The following ERICH6 variants were observed in gnomAD, a reference collection of about 807,000 sequenced individuals.
ERICH6 encodes glutamate rich 6, also known as glutamate-rich protein 6.
In ERICH6, 71 loss-of-function variants were observed where a neutral mutation model predicts 71.0. The ratio of observed to expected loss-of-function variants is 1.00; its 90% CI spans 0.83 to 1.22. The LOEUF is 1.22. Ranked by LOEUF, ERICH6 falls within the 50% of genes most tolerant of loss-of-function variation. The probability of loss-of-function intolerance (pLI) is 0.00; values close to 1 mark genes in which losing one functional copy is unlikely to be tolerated. For synonymous variants in ERICH6, 262 were observed against 278.4 expected (o/e 0.94, Z 0.59); for missense variants, 808 against 797.2 (o/e 1.01, Z -0.16).
intron 1 of ERICH6, among the ~76,000 whole-genome samples, chr3:150,702,640 A>G (rs1209902624): frequency 1.3e-5 from 2 of 151,966 alleles, no homozygotes; most frequent in African/African-American, 4.8e-5. Context: ...GAGGACAGGG[A>G]TGCTGCCAAA....
chr3:150,682,876 G>A (rs570251560), intron 6 of ERICH6, among the ~76,000 whole-genome samples: 1 of 152,252 alleles, frequency 6.6e-6, no homozygotes, highest in African/African-American at 2.4e-5. Context: ...GTATTGTGAA[G>A]GTAATTCAGG....
chr3:150,695,827 T>A (rs1284963719), intron 3 of ERICH6, among the ~76,000 whole-genome samples: 1 of 150,812 alleles, frequency 6.6e-6, no homozygotes, highest in African/African-American at 2.4e-5. Context: ...GTACACTAGG[T>A]TCCTGAAAAA....
At chr3:150,671,067 C>T (rs1021826660) in intron 11 of ERICH6, among the ~76,000 whole-genome samples, 1 of 151,990 alleles carries the variant, frequency 6.6e-6, no homozygotes, top group African/African-American at 2.4e-5. Flanking sequence ...TGAGGCCAGC[C>T]TAGGCAACAT....
At chr3:150,691,845 T>G (rs1712448590) in intron 3 of ERICH6, among the ~76,000 whole-genome samples, 1 of 152,038 alleles carries the variant, frequency 6.6e-6, no homozygotes, top group Admixed American at 6.6e-5. Context: ...CGGCTGAATT[T>G]TAAACACTGA....
chr3:150,666,256 T>C (rs1224760106), intron 13 of ERICH6, among the ~76,000 whole-genome samples: 1 of 152,162 alleles, frequency 6.6e-6, no homozygotes, highest in Non-Finnish European at 1.5e-5. Flanking sequence ...ATTCTTCCTG[T>C]CAGGAGCTTG....
chr3:150,665,768 C>T (rs566073953), intron 13 of ERICH6, among the ~76,000 whole-genome samples: 2 of 143,176 alleles, frequency 1.4e-5, no homozygotes, highest in Admixed American at 1.5e-4. Flanking sequence ...GTGGAGGTTG[C>T]AGTGAGCTGA....
At chr3:150,685,712 G>T in intron 6 of ERICH6, 30 bp downstream of exon 6, 2 of 1,498,648 alleles carry the variant, frequency 1.3e-6, no homozygotes, top group South Asian at 1.1e-5. Context: ...TTTTTTAAGA[G>T]TAATAATAAG....
chr3:150,673,987 T>A lies in ERICH6; in HGVS notation c.1312A>T (p.Thr438Ser). Residue 438 changes from threonine (T) to serine (S), a missense_variant, in exon 11 of 14, where the codon ACT (threonine) becomes TCT (serine). Thr to Ser is a moderately conservative substitution (Grantham distance 58). Transcript: ENST00000295910. ...KHYKHGSKFLTSFPDGTTQIF... is the reference protein window; with the variant it reads ...KHYKHGSKFLSSFPDGTTQIF... ...TGTGTTGTCCCATCTGGAAATGAAG[T>A]CAGAAACTTGCTCCCATGTTTGTAG... 4 of 1,614,130 alleles carry A rather than the reference T, an allele frequency of 2.5e-6. No homozygotes were observed. Among genetic ancestry groups the A allele is most frequent in the Non-Finnish European group, 3.4e-6 (4 of 1,179,990 alleles).
At chr3:150,703,023 G>A (rs1712974734) in intron 1 of ERICH6, among the ~76,000 whole-genome samples, 1 of 149,442 alleles carries the variant, frequency 6.7e-6, no homozygotes, top group South Asian at 2.1e-4. Context: ...AGATGTCACG[G>A]TGTGAATGCA....
intron 11 of ERICH6, among the ~76,000 whole-genome samples, chr3:150,669,846 A>G (rs187048214): frequency 1.1e-4 from 17 of 152,306 alleles, no homozygotes; most frequent in South Asian, 8.3e-4. Context: ...AGAAAACTCA[A>G]TGGATTTCAA....
chr3:150,675,836 C>T, intron 10 of ERICH6, among the ~76,000 whole-genome samples: 1 of 145,732 alleles, frequency 6.9e-6, no homozygotes. Flanking sequence ...TCTGCTACTT[C>T]TAATAATTCT....
At chr3:150,684,296 G>C (rs1446109006) in intron 6 of ERICH6, among the ~76,000 whole-genome samples, 1 of 152,004 alleles carries the variant, frequency 6.6e-6, no homozygotes, top group African/African-American at 2.4e-5. Flanking sequence ...TAGAAACCTG[G>C]GTAAATATAA....
At chr3:150,694,449 T>C (rs1331055631) in intron 3 of ERICH6, among the ~76,000 whole-genome samples, 3 of 152,210 alleles carry the variant, frequency 2.0e-5, no homozygotes, top group East Asian at 3.9e-4. Flanking sequence ...GATAAAAGGT[T>C]AAATATCTCC....
intron 11 of ERICH6, among the ~76,000 whole-genome samples, chr3:150,671,919 C>T (rs1344743088): frequency 6.6e-6 from 1 of 152,154 alleles, no homozygotes; most frequent in Non-Finnish European, 1.5e-5. Flanking sequence ...CATGGGTCAC[C>T]ATGCCCAGCC....
chr3:150,678,622 T>C (rs1711757344), intron 9 of ERICH6, 68 bp from the exon 10 acceptor site: 2 of 1,351,728 alleles, frequency 1.5e-6, no homozygotes, highest in Non-Finnish European at 9.9e-7. Context: ...TTTTCTAAAA[T>C]GAAATTTCAA....
chr3:150,673,998 C>T lies in ERICH6; in HGVS notation c.1301G>A (p.Ser434Asn). The T allele has an allele frequency of 6.2e-7, 1 of 1,614,068 alleles. No individual in the cohort carries two copies. Among genetic ancestry groups the T allele is most frequent in the Non-Finnish European group, 8.5e-7 (1 of 1,179,994 alleles). ...ATCTGGAAATGAAGTCAGAAACTTGCTCCCATGTTTGTAGTGCTTCTCTAA... is the reference window on the plus strand; with the variant it reads ...ATCTGGAAATGAAGTCAGAAACTTGTTCCCATGTTTGTAGTGCTTCTCTAA... ...ELLEKHYKHG[S>N]KFLTSFPDGT... Residue 434 changes from serine (S) to asparagine (N), a missense_variant, in exon 11 of 14, where the codon AGC becomes AAC. Ser to Asn is a conservative substitution (Grantham distance 46). This residue lies in a region of ERICH6 where 736 missense variants were observed against 712.2 expected (regional missense o/e 1.03). Coordinates refer to ENST00000295910, the MANE Select transcript of ERICH6 (RefSeq NM_152394.5).
intron 3 of ERICH6, among the ~76,000 whole-genome samples, chr3:150,687,667 A>G (rs1403268057): frequency 1.3e-5 from 2 of 152,340 alleles, no homozygotes; most frequent in East Asian, 3.9e-4. Context: ...AAATGTCTAG[A>G]AGCTTTAAAG....
Position 150,703,618 on chromosome 3 carries a change from A to G in ERICH6, c.281T>C (p.Val94Ala). 1 of 1,613,990 alleles carries G rather than the reference A, an allele frequency of 6.2e-7. No individual in the cohort carries two copies. Among genetic ancestry groups the G allele is most frequent in the Non-Finnish European group, 8.5e-7 (1 of 1,179,986 alleles). ...IGDYDDDFPD[V>A]RPRLASIVSP... Reference sequence around the variant, plus strand: ...GACGATGCTGGCTAAGCGGGGGCGCACGTCTGGGAAGTCGTCGTCGTAGTC... The same window carrying G: ...GACGATGCTGGCTAAGCGGGGGCGCGCGTCTGGGAAGTCGTCGTCGTAGTC... The change falls in exon 1 of 14, where the codon GTG becomes GCG. Residue 94 changes from valine to alanine, a missense_variant. Physicochemically the swap from Val to Ala is moderately conservative, Grantham distance 64 (BLOSUM62 0). Transcript: ENST00000295910.
chr3:150,664,022 G>A (rs1727312389), intron 13 of ERICH6, among the ~76,000 whole-genome samples: 1 of 151,994 alleles, frequency 6.6e-6, no homozygotes, highest in South Asian at 2.1e-4. Context: ...GACAAGCTCT[G>A]GGTTCCTCCA....
Sources: allele counts gnomAD v4.1 joint callset (sites outside exome capture counted in the v4.1 genomes callset), GRCh38; gene constraint gnomAD v4.1.1; regional missense constraint gnomAD v4.1.1; transcripts MANE v1.5; gene names NCBI Gene and HGNC (gene_info 2026-07-23, HGNC 2026-07-21).